MAPK8IP3: variants seen among roughly 807,000 people sequenced by gnomAD.
MAPK8IP3 encodes C-Jun-amino-terminal kinase-interacting protein 3.
MAPK8IP3 carries 49 observed loss-of-function variants against 157.8 expected under a neutral mutation model. That is an observed-to-expected ratio of 0.31 (90% CI 0.25 to 0.39). The LOEUF (loss-of-function observed/expected upper bound fraction) is 0.39. Among genes scored for constraint, MAPK8IP3 ranks in the 10% least tolerant of loss-of-function variants. The probability of loss-of-function intolerance (pLI) is 1.00; values close to 1 mark genes in which losing one functional copy is unlikely to be tolerated. For missense variants in MAPK8IP3, 1,478 were observed against 1,889.4 expected (o/e 0.78, Z 4.04); for synonymous variants, 897 against 777.7 (o/e 1.15, Z -2.55).
At chr16:1,732,466 T>C (rs1242820052) in intron 4 of MAPK8IP3, among the ~76,000 whole-genome samples, 1 of 152,196 alleles carries the variant, frequency 6.6e-6, no homozygotes, top group Non-Finnish European at 1.5e-5. Flanking sequence ...TCCGAGTCTC[T>C]GGACGTGAGA....
intron 1 of MAPK8IP3, among the ~76,000 whole-genome samples, chr16:1,709,991 G>A (rs541254392): frequency 6.6e-6 from 1 of 152,184 alleles, no homozygotes; most frequent in Admixed American, 6.5e-5. Context: ...CTGATCATTC[G>A]GCATTTGATG....
At chr16:1,708,922 C>T (rs1457372770) in intron 1 of MAPK8IP3, among the ~76,000 whole-genome samples, 1 of 152,182 alleles carries the variant, frequency 6.6e-6, no homozygotes, top group East Asian at 1.9e-4. Flanking sequence ...ACCATTGTGC[C>T]CTGTGGGTCG....
intron 4 of MAPK8IP3, among the ~76,000 whole-genome samples, chr16:1,738,024 G>T (rs1169764707): frequency 6.8e-5 from 6 of 87,738 alleles, no homozygotes; most frequent in Admixed American, 6.1e-4. Context: ...CCGTCCGTGT[G>T]AGCATCCGTG....
At chr16:1,740,951 C>A (rs1438992033) in intron 4 of MAPK8IP3, among the ~76,000 whole-genome samples, 1 of 152,214 alleles carries the variant, frequency 6.6e-6, no homozygotes, top group Non-Finnish European at 1.5e-5. Flanking sequence ...CCAGGTCGCC[C>A]ACACTCTGCC....
intron 7 of MAPK8IP3, 42 bp from the exon 8 acceptor site, chr16:1,748,560 C>T (rs747937414): frequency 1.3e-6 from 2 of 1,520,316 alleles, no homozygotes; most frequent in South Asian, 1.1e-5. Flanking sequence ...TCCGGGCTGC[C>T]CACTGACTCT....
Position 1,748,664 on chromosome 16 carries a change from T to C in MAPK8IP3, c.1160T>C (p.Leu387Pro). The change falls in exon 8 of 32, where the codon CTG (leucine) becomes CCG (proline). Residue 387 changes from leucine (L) to proline (P), a missense_variant. Physicochemically the swap from Leu to Pro is moderately conservative, Grantham distance 98. Transcript: ENST00000610761. Reference sequence around the variant, plus strand: ...AACACCGACTCCCTGTACCATGAGCTGTCGACGGCAGGGTCTGAGGTCATC... The same window carrying C: ...AACACCGACTCCCTGTACCATGAGCCGTCGACGGCAGGGTCTGAGGTCATC... ...GINTDSLYHE[L>P]STAGSEVIGD... The C allele has an allele frequency of 6.2e-7, 1 of 1,614,200 alleles. No homozygotes were observed. The highest frequency in any genetic ancestry group is 8.5e-7 in the Non-Finnish European group (1 of 1,180,044).
At chr16:1,754,173 C>CAAA (rs11296984) in intron 8 of MAPK8IP3, among the ~76,000 whole-genome samples, 2 of 123,492 alleles carry the variant, frequency 1.6e-5, no homozygotes, top group Non-Finnish European at 1.8e-5. Flanking sequence ...AACTCTGTCT[C>CAAA]AAAAAAAAAA....
Position 1,735,612 on chromosome 16 carries a change from T to C in MAPK8IP3, c.602+6034T>C, listed in dbSNP as rs542144529. 1.7e-4 allele frequency among the ~76,000 whole-genome samples: 24 copies of C among 144,512 alleles called. No individual in the cohort carries two copies. In the East Asian group the frequency reaches 4.7e-3, roughly 28 times the overall value. 94.8% of individuals were successfully genotyped at this position (144,512 alleles called of 152,430 possible). Reference sequence around the variant, plus strand: ...ATCCGTGTGAGCATCCGTGTGACCATCCGTGTGAGCATCCGTGTGACTGTC... The same window carrying C: ...ATCCGTGTGAGCATCCGTGTGACCACCCGTGTGAGCATCCGTGTGACTGTC... On this transcript the variant is annotated intron_variant, in intron 4 of 31. Coordinates refer to ENST00000610761, the MANE Select transcript of MAPK8IP3 (RefSeq NM_001318852.2).
rs1372222298 is a variant in MAPK8IP3, at chr16:1,768,890, G to A, written c.*66G>A. On this transcript the variant is annotated 3_prime_UTR_variant, in exon 32 of 32. Coordinates refer to ENST00000610761, the MANE Select transcript of MAPK8IP3 (RefSeq NM_001318852.2). ...CGACCACCTGACCCCCGCCCGGCCCGCGGGGTAGCCAGCCAGGCGCCGCCG... is the reference window on the plus strand; with the variant it reads ...CGACCACCTGACCCCCGCCCGGCCCACGGGGTAGCCAGCCAGGCGCCGCCG... 33 of 1,577,248 alleles carry A rather than the reference G, an allele frequency of 2.1e-5. No homozygotes were observed. Among genetic ancestry groups the A allele is most frequent in the African/African-American group, 5.4e-5 (4 of 74,130 alleles).
intron 1 of MAPK8IP3, among the ~76,000 whole-genome samples, chr16:1,717,313 A>G (rs540934120): frequency 4.6e-5 from 7 of 152,292 alleles, no homozygotes; most frequent in Non-Finnish European, 8.8e-5. Flanking sequence ...TTTAATTTTC[A>G]AGCAGAGCCC....
Position 1,743,716 on chromosome 16 carries a change from G to T in MAPK8IP3, c.747+240G>T. 7.2e-7 allele frequency: 1 copy of T among 1,387,612 alleles called. No homozygotes were observed. Among genetic ancestry groups the T allele is most frequent in the South Asian group, 1.7e-5 (1 of 59,098 alleles). 86.0% of individuals were successfully genotyped at this position (1,387,612 alleles called of 1,614,324 possible). A position where few individuals can be genotyped will look rare whatever the true frequency, so the allele number is the denominator to read the frequency against. ...CTCGTGTCGGCACCTGCTAGTCCAG[G>T]CTAGACCTCCCTGCCCTTGGATAGA... On this transcript the variant is annotated intron_variant, in intron 5 of 31. Coordinates refer to ENST00000610761, the MANE Select transcript of MAPK8IP3 (RefSeq NM_001318852.2). The surrounding 1 kb of genome is among the most constrained non-coding windows in gnomAD (Gnocchi z 5.6).
chr16:1,729,411 G>A, intron 3 of MAPK8IP3, 76 bp from the exon 4 acceptor site: 1 of 1,443,090 alleles, frequency 6.9e-7, no homozygotes, highest in Non-Finnish European at 9.6e-7. Flanking sequence ...AGGGCAGCCG[G>A]AAAAGCCTCA....
At position 1,743,715 on chromosome 16, in the gene MAPK8IP3, G is replaced by A; in HGVS notation, c.747+239G>A. On this transcript the variant is annotated intron_variant, in intron 5 of 31. Coordinates refer to ENST00000610761, the MANE Select transcript of MAPK8IP3 (RefSeq NM_001318852.2). The surrounding 1 kb of genome is among the most constrained non-coding windows in gnomAD (Gnocchi z 5.6). ...CCTCGTGTCGGCACCTGCTAGTCCAGGCTAGACCTCCCTGCCCTTGGATAG... is the reference window on the plus strand; with the variant it reads ...CCTCGTGTCGGCACCTGCTAGTCCAAGCTAGACCTCCCTGCCCTTGGATAG... 1 of 1,388,054 alleles carries A rather than the reference G, an allele frequency of 7.2e-7. No homozygotes were observed. The highest frequency in any genetic ancestry group is 9.3e-7 in the Non-Finnish European group (1 of 1,078,544). 86.0% of individuals were successfully genotyped at this position (1,388,054 alleles called of 1,614,324 possible).
Position 1,743,896 on chromosome 16 carries a change from A to G in MAPK8IP3, c.747+420A>G, listed in dbSNP as rs1366160573. 9.6e-7 allele frequency: 1 copy of G among 1,046,512 alleles called. No individual in the cohort carries two copies. 64.8% of individuals were successfully genotyped at this position (1,046,512 alleles called of 1,614,324 possible). On this transcript the variant is annotated intron_variant, in intron 5 of 31. Transcript: ENST00000610761. The surrounding 1 kb of genome is among the most constrained non-coding windows in gnomAD (Gnocchi z 5.6). ...ACGCCTCTACTCTCGGAGGAACGTC[A>G]GTGTCTAGAGTGTGGGGTTTGCCCT...
rs528105327 is a variant in MAPK8IP3, at chr16:1,724,731, G to A, written c.439+54G>A. 1.1e-4 allele frequency: 176 copies of A among 1,584,040 alleles called. No individual in the cohort carries two copies. In the African/African-American group the frequency reaches 1.8e-3, roughly 16 times the overall value. On this transcript the variant is annotated intron_variant, in intron 2 of 31. Transcript: ENST00000610761. The surrounding 1 kb of genome is among the most constrained non-coding windows in gnomAD (Gnocchi z 4.1). ...CGCTTGATGGGCGCTGCTCTGGGAC[G>A]GCTCTGGTTGGGGTGGGCATGGAGC... is the stretch of plus-strand genomic sequence containing the variant.
chr16:1,761,572 A>G (rs563618100), intron 13 of MAPK8IP3, among the ~76,000 whole-genome samples: 21 of 112,452 alleles, frequency 1.9e-4, no homozygotes, highest in East Asian at 5.3e-4. Context: ...ACACAGGGCG[A>G]CCACCATTCA....
At chr16:1,740,663 C>T (rs1449678063) in intron 4 of MAPK8IP3, among the ~76,000 whole-genome samples, 3 of 152,240 alleles carry the variant, frequency 2.0e-5, no homozygotes, top group Admixed American at 1.3e-4. Context: ...CTGTCGCTGC[C>T]GTGTGCTGCC....
At chr16:1,732,775 T>C (rs1256200326) in intron 4 of MAPK8IP3, among the ~76,000 whole-genome samples, 2 of 130,318 alleles carry the variant, frequency 1.5e-5, no homozygotes, top group Admixed American at 7.8e-5. Flanking sequence ...CGAGAACGGG[T>C]GGTGCCAGCC....
intron 1 of MAPK8IP3, among the ~76,000 whole-genome samples, chr16:1,723,267 T>C (rs931676233): frequency 1.3e-5 from 2 of 151,280 alleles, no homozygotes; most frequent in African/African-American, 2.4e-5. Flanking sequence ...ACTCCTGAGC[T>C]CACATGATCC....
Sources: allele counts gnomAD v4.1 joint callset (sites outside exome capture counted in the v4.1 genomes callset), GRCh38; gene constraint gnomAD v4.1.1; non-coding constraint Gnocchi (gnomAD v3.1); transcripts MANE v1.5; gene names NCBI Gene and HGNC (gene_info 2026-07-23, HGNC 2026-07-21).